TSHR: variants seen among roughly 807,000 people sequenced by gnomAD.
TSHR encodes thyrotropin receptor.
In TSHR, 51 loss-of-function variants were observed where a neutral mutation model predicts 64.1. The observed-to-expected ratio is 0.80, with a 90% CI of 0.64 to 1.01. TSHR has a LOEUF of 1.01. Among genes scored for constraint, TSHR ranks in the 50% least tolerant of loss-of-function variants. TSHR has a pLI of 0.00. For synonymous variants in TSHR, 361 were observed against 361.9 expected (o/e 1.00, Z 0.03); for missense variants, 877 against 942.8 (o/e 0.93, Z 0.91).
At chr14:81,075,813 A>C (rs1417425041) in intron 3 of TSHR, among the ~76,000 whole-genome samples, 1 of 152,080 alleles carries the variant, frequency 6.6e-6, no homozygotes, top group Non-Finnish European at 1.5e-5. Flanking sequence ...CCAAAGGACT[A>C]TAAATCATGC....
At chr14:81,023,210 T>C (rs979441166) in intron 1 of TSHR, among the ~76,000 whole-genome samples, 3 of 152,146 alleles carry the variant, frequency 2.0e-5, no homozygotes, top group Non-Finnish European at 4.4e-5. Flanking sequence ...CCTGCCTGAC[T>C]GCTTGATCTG....
intron 1 of TSHR, among the ~76,000 whole-genome samples, chr14:81,005,949 G>A (rs1158624323): frequency 6.6e-6 from 1 of 152,146 alleles, no homozygotes; most frequent in Non-Finnish European, 1.5e-5. Context: ...AAATAAGCAT[G>A]GCTGATACTA....
At chr14:81,135,375 T>C (rs1891412965) in intron 8 of TSHR, among the ~76,000 whole-genome samples, 1 of 152,220 alleles carries the variant, frequency 6.6e-6, no homozygotes, top group African/African-American at 2.4e-5. Context: ...AGAAAGGACA[T>C]TCTTTCCTAA....
intron 8 of TSHR, among the ~76,000 whole-genome samples, chr14:81,134,296 C>T (rs2140093064): frequency 6.6e-6 from 1 of 152,136 alleles, no homozygotes; most frequent in South Asian, 2.1e-4. Context: ...TGCCACCATG[C>T]CCGGCTAATT....
chr14:81,074,093 T>A (rs2139928290), intron 3 of TSHR, among the ~76,000 whole-genome samples: 2 of 152,238 alleles, frequency 1.3e-5, no homozygotes, highest in South Asian at 4.2e-4. Flanking sequence ...AATTCTCTAC[T>A]CTGAGCAAAA....
At chr14:81,114,540 G>A (rs1276786602) in intron 8 of TSHR, among the ~76,000 whole-genome samples, 3 of 152,156 alleles carry the variant, frequency 2.0e-5, no homozygotes, top group Non-Finnish European at 2.9e-5. Context: ...CGCCCACGGA[G>A]TCTCCCTGAT....
intron 1 of TSHR, chr14:80,983,315 C>A: frequency 9.0e-7 from 1 of 1,114,880 alleles, no homozygotes; most frequent in Non-Finnish European, 1.3e-6. Flanking sequence ...TCCATCACTA[C>A]ATTGTTGCCG....
chr14:81,038,032 AT>A (rs1217485634), intron 1 of TSHR, among the ~76,000 whole-genome samples: 1 of 151,970 alleles, frequency 6.6e-6, no homozygotes, highest in African/African-American at 2.4e-5. Flanking sequence ...CAGAATACAC[AT>A]TTTTCTCAAA....
At chr14:81,021,179 GA>G (rs1174625700) in intron 1 of TSHR, among the ~76,000 whole-genome samples, 2 of 152,074 alleles carry the variant, frequency 1.3e-5, no homozygotes, top group Non-Finnish European at 2.9e-5. Context: ...CCAGTCTATG[GA>G]AAAATTGTCT....
At chr14:80,963,376 T>G (rs1872568168) in intron 1 of TSHR, among the ~76,000 whole-genome samples, 1 of 152,236 alleles carries the variant, frequency 6.6e-6, no homozygotes, top group Non-Finnish European at 1.5e-5. Flanking sequence ...CCTATCCAAA[T>G]GGACCCTCCT....
intron 1 of TSHR, chr14:80,991,554 G>A: frequency 2.5e-6 from 1 of 398,572 alleles, no homozygotes; most frequent in Non-Finnish European, 4.4e-6. Flanking sequence ...TTGGAGAAGA[G>A]AGAGGAAAAA....
intron 8 of TSHR, among the ~76,000 whole-genome samples, chr14:81,123,700 T>C (rs1042797544): frequency 6.6e-6 from 1 of 152,220 alleles, no homozygotes; most frequent in African/African-American, 2.4e-5. Context: ...ATCATTGTTT[T>C]TCAAGGTCAC....
chr14:80,964,093 G>A (rs1887174974), intron 1 of TSHR, among the ~76,000 whole-genome samples: 2 of 152,320 alleles, frequency 1.3e-5, no homozygotes, highest in South Asian at 2.1e-4. Context: ...TCAGCCAGGT[G>A]GGGTGGCTCA....
chr14:81,019,991 G>T (rs1883653207), intron 1 of TSHR, among the ~76,000 whole-genome samples: 1 of 152,074 alleles, frequency 6.6e-6, no homozygotes, highest in South Asian at 2.1e-4. Flanking sequence ...GGGATTGCTG[G>T]GTCAAATGGT....
At chr14:81,118,645 A>G (rs1170268618) in intron 8 of TSHR, among the ~76,000 whole-genome samples, 1 of 152,154 alleles carries the variant, frequency 6.6e-6, no homozygotes, top group Non-Finnish European at 1.5e-5. Context: ...CAAGCTACCA[A>G]TGACTTTCGT....
chr14:81,082,318 T>C (rs1887962151), intron 3 of TSHR, among the ~76,000 whole-genome samples: 1 of 152,248 alleles, frequency 6.6e-6, no homozygotes, highest in South Asian at 2.1e-4. Context: ...TGCAAGGCTC[T>C]TTAGAGCAAA....
rs145449193 is a variant in TSHR at position 81,086,091 on chromosome 14, T to C, written c.318-1863T>C. Among the ~76,000 whole-genome samples, 4 of 152,326 alleles carry C rather than the reference T, an allele frequency of 2.6e-5. No individual in the cohort carries two copies. In the East Asian group the frequency reaches 5.8e-4, roughly 22 times the overall value. ...ATGACATAATAGTTTAGGATTAGCATAGTGAGGATTTGGAAGTGAGGAGTT... is the reference window on the plus strand; with the variant it reads ...ATGACATAATAGTTTAGGATTAGCACAGTGAGGATTTGGAAGTGAGGAGTT... On this transcript the variant is annotated intron_variant, in intron 3 of 9. Transcript: ENST00000298171.
At chr14:81,100,875 G>C (rs1376752188) in intron 7 of TSHR, among the ~76,000 whole-genome samples, 1 of 152,142 alleles carries the variant, frequency 6.6e-6, no homozygotes, top group African/African-American at 2.4e-5. Context: ...CTCCTCTCTG[G>C]CTTTGTATGG....
At chr14:81,031,379 A>C (rs932519624) in intron 1 of TSHR, among the ~76,000 whole-genome samples, 1 of 151,760 alleles carries the variant, frequency 6.6e-6, no homozygotes, top group African/African-American at 2.4e-5. Flanking sequence ...TTTATGGAAA[A>C]AGTTATTTTT....
Sources: allele counts gnomAD v4.1 joint callset (sites outside exome capture counted in the v4.1 genomes callset), GRCh38; gene constraint gnomAD v4.1.1; transcripts MANE v1.5; gene names NCBI Gene and HGNC (gene_info 2026-07-23, HGNC 2026-07-21).